Variants in GPC5 observed in about 807,000 individuals in gnomAD.
The protein encoded by GPC5 is glypican-5.
A neutral mutation model predicts 53.9 loss-of-function variants in GPC5; 47 were observed. The observed-to-expected ratio is 0.87, with a 90% CI of 0.69 to 1.11. The LOEUF (loss-of-function observed/expected upper bound fraction) is 1.11. Ranked by LOEUF, GPC5 falls within the 50% of genes most tolerant of loss-of-function variation. The pLI is 0.00. For missense variants in GPC5, 748 were observed against 713.1 expected (o/e 1.05, Z -0.56); for synonymous variants, 286 against 263.3 (o/e 1.09, Z -0.84).
At chr13:92,369,694 C>T (rs968251681) in intron 7 of GPC5, among the ~76,000 whole-genome samples, 19 of 152,178 alleles carry the variant, frequency 1.2e-4, no homozygotes, top group African/African-American at 3.1e-4. Flanking sequence ...CTCAGATCTT[C>T]GTATCATAAA....
intron 7 of GPC5, among the ~76,000 whole-genome samples, chr13:92,367,370 A>G (rs776467432): frequency 2.0e-4 from 30 of 152,210 alleles, no homozygotes; most frequent in Admixed American, 9.8e-4. Flanking sequence ...ATCTTAGATC[A>G]TTTACACAGA....
intron 2 of GPC5, among the ~76,000 whole-genome samples, chr13:91,499,673 G>C (rs571927339): frequency 6.6e-6 from 1 of 152,232 alleles, no homozygotes; most frequent in Admixed American, 6.5e-5. Context: ...CTCTCCAGGT[G>C]GTTACCTCGT....
chr13:91,737,924 A>G (rs1388213268), intron 4 of GPC5, among the ~76,000 whole-genome samples: 1 of 151,364 alleles, frequency 6.6e-6, no homozygotes. Flanking sequence ...TTTTAATTAC[A>G]TATATAGGAA....
At chr13:91,474,631 G>T (rs1055180578) in intron 2 of GPC5, among the ~76,000 whole-genome samples, 1 of 151,882 alleles carries the variant, frequency 6.6e-6, no homozygotes, top group Non-Finnish European at 1.5e-5. Context: ...TAATTAAATT[G>T]CCCATTTATA....
At chr13:92,294,844 T>TC (rs1237430099) in intron 7 of GPC5, among the ~76,000 whole-genome samples, 3 of 119,890 alleles carry the variant, frequency 2.5e-5, no homozygotes, top group East Asian at 4.6e-4. Context: ...TTTTTTTTTT[T>TC]CCGAGATGGA....
At chr13:92,309,257 T>C (rs1044809686) in intron 7 of GPC5, among the ~76,000 whole-genome samples, 1 of 152,046 alleles carries the variant, frequency 6.6e-6, no homozygotes, top group African/African-American at 2.4e-5. Flanking sequence ...ATACACATAG[T>C]TCCTTCACTA....
chr13:92,474,435 A>C (rs1352134525), intron 7 of GPC5, among the ~76,000 whole-genome samples: 1 of 152,032 alleles, frequency 6.6e-6, no homozygotes, highest in East Asian at 1.9e-4. Context: ...ACTGATCGGG[A>C]GGAGTCCTAT....
intron 7 of GPC5, among the ~76,000 whole-genome samples, chr13:92,752,252 C>T (rs938382503): frequency 1.3e-5 from 2 of 152,148 alleles, no homozygotes; most frequent in Non-Finnish European, 2.9e-5. Flanking sequence ...ATCCACACTG[C>T]TTCTCCCACA....
chr13:91,980,794 G>T (rs887291809), intron 6 of GPC5, among the ~76,000 whole-genome samples: 7 of 152,098 alleles, frequency 4.6e-5, no homozygotes, highest in African/African-American at 1.7e-4. Context: ...TTTCAATCAG[G>T]AACTGATTTC....
intron 2 of GPC5, chr13:91,486,168 T>G (rs1411200360): frequency 6.6e-6 from 1 of 152,252 alleles, no homozygotes; most frequent in East Asian, 1.9e-4. Context: ...TATAGTTACC[T>G]GGGTAACCAA....
chr13:92,003,400 C>G (rs2040575020), intron 6 of GPC5, among the ~76,000 whole-genome samples: 1 of 151,448 alleles, frequency 6.6e-6, no homozygotes, highest in Non-Finnish European at 1.5e-5. Flanking sequence ...AGATAAGCAC[C>G]TAGTATTTGC....
chr13:92,548,232 A>T (rs567903807), intron 7 of GPC5, among the ~76,000 whole-genome samples: 1 of 152,132 alleles, frequency 6.6e-6, no homozygotes, highest in East Asian at 1.9e-4. Context: ...GAAGATAAAA[A>T]GCGTGGTTGG....
At chr13:92,071,421 A>G (rs2041210245) in intron 6 of GPC5, among the ~76,000 whole-genome samples, 1 of 152,126 alleles carries the variant, frequency 6.6e-6, no homozygotes, top group Non-Finnish European at 1.5e-5. Flanking sequence ...AAATTTTTTA[A>G]AAGCAAAAGA....
chr13:92,697,552 G>A (rs1354994587), intron 7 of GPC5, among the ~76,000 whole-genome samples: 1 of 152,160 alleles, frequency 6.6e-6, no homozygotes, highest in Non-Finnish European at 1.5e-5. Context: ...TGTCTATCCT[G>A]AGACTTTGCT....
chr13:91,845,519 G>A (rs2038838982), intron 5 of GPC5, among the ~76,000 whole-genome samples: 1 of 152,026 alleles, frequency 6.6e-6, no homozygotes, highest in Admixed American at 6.5e-5. Context: ...TAGCAAATTT[G>A]AGGTATACAG....
chr13:92,249,115 A>C (rs1371367245), intron 7 of GPC5, among the ~76,000 whole-genome samples: 1 of 152,104 alleles, frequency 6.6e-6, no homozygotes, highest in Non-Finnish European at 1.5e-5. Context: ...TGTAATAATC[A>C]CTTCGGGGTA....
At chr13:92,742,808 A>G (rs1022035059) in intron 7 of GPC5, among the ~76,000 whole-genome samples, 3 of 152,224 alleles carry the variant, frequency 2.0e-5, no homozygotes, top group Non-Finnish European at 4.4e-5. Context: ...ATGGCTAGCC[A>G]GTTTTCCCAG....
In GPC5 at chr13:92,229,192, T is replaced by C. The variant is rs78288755; in HGVS notation, c.1561+84203T>C. Among the ~76,000 whole-genome samples the C allele has an allele frequency of 3.2e-3, 483 of 152,196 alleles. 5 individuals are homozygous for C. The highest frequency in any genetic ancestry group is 0.011 in the African/African-American group (460 of 41,552). Reference sequence around the variant, plus strand: ...AAAGATGTTAAGTGGGGAAGTGAGGTACAAAGTGTGTGGCTGGAATTTCTT... The same window carrying C: ...AAAGATGTTAAGTGGGGAAGTGAGGCACAAAGTGTGTGGCTGGAATTTCTT... On this transcript the variant is annotated intron_variant, in intron 7 of 7. Coordinates refer to ENST00000377067, the MANE Select transcript of GPC5 (RefSeq NM_004466.6).
chr13:91,483,087 A>G (rs1883394181), intron 2 of GPC5, among the ~76,000 whole-genome samples: 1 of 152,110 alleles, frequency 6.6e-6, no homozygotes, highest in Non-Finnish European at 1.5e-5. Context: ...TTTCACGTAT[A>G]TTTGTTATCC....
Sources: gnomAD v4.1 joint callset for allele counts (sites outside exome capture counted in the v4.1 genomes callset) on GRCh38, gnomAD v4.1.1 for gene constraint, MANE v1.5 for transcripts, NCBI Gene and HGNC (gene_info 2026-07-23, HGNC 2026-07-21) for gene names.